EFTUD2: variants seen among roughly 807,000 people sequenced by gnomAD.
EFTUD2 encodes the protein elongation factor Tu GTP binding domain containing 2.
Under a neutral mutation model 114.3 loss-of-function variants are expected in EFTUD2, and 9 were observed. The observed-to-expected ratio is 0.08, with a 90% CI of 0.05 to 0.14. The LOEUF is 0.14. Among genes scored for constraint, EFTUD2 ranks in the 10% least tolerant of loss-of-function variants. EFTUD2 has a pLI of 1.00. For synonymous variants in EFTUD2, 449 were observed against 462.3 expected, an observed-to-expected ratio of 0.97 and a Z score of 0.37; for missense variants, 765 against 1,241.2, an observed-to-expected ratio of 0.62 and a Z score of 5.76.
chr17:44,881,965 C>T, intron 6 of EFTUD2: 1 of 479,930 alleles, frequency 2.1e-6, no homozygotes, highest in East Asian at 4.1e-5. Context: ...GAGTTTTGCT[C>T]TTGTAGCCCA....
At chr17:44,877,066 C>T (rs1165435937) in intron 9 of EFTUD2, among the ~76,000 whole-genome samples, 1 of 151,494 alleles carries the variant, frequency 6.6e-6, no homozygotes, top group Non-Finnish European at 1.5e-5. Context: ...CATGTTGGCA[C>T]ATACCTGTAG....
chr17:44,878,273 C>T (rs2051005287), intron 9 of EFTUD2, among the ~76,000 whole-genome samples: 2 of 152,194 alleles, frequency 1.3e-5, no homozygotes, highest in Admixed American at 1.3e-4. Flanking sequence ...TAACCAGATT[C>T]TAATAACCAG....
rs1218292682 is a variant in EFTUD2 at position 44,851,289 on chromosome 17, G to A, written c.2904C>T (p.Leu968=). 1.2e-6 allele frequency: 2 copies of A among 1,613,980 alleles called. No individual in the cohort carries two copies. Among genetic ancestry groups the A allele is most frequent in the South Asian group, 1.1e-5 (1 of 91,054 alleles). Residue 968 remains leucine, a synonymous_variant, in exon 28 of 28, where the codon CTC becomes CTT. Transcript: ENST00000426333. ...LLELAKQDVV[L]NYPM The stretch of plus-strand genomic sequence containing the variant: ...GTCCACGCACTCACATGGGGTAATT[G>A]AGCACAACATCCTGTTTGGCAAGTT...
At chr17:44,880,495 G>A in intron 8 of EFTUD2, 59 bp downstream of exon 8, 1 of 1,344,698 alleles carries the variant, frequency 7.4e-7, no homozygotes, top group Non-Finnish European at 1.1e-6. Flanking sequence ...CGAAAAGTGA[G>A]AGGACACACG....
chr17:44,852,704 A>G (rs963365428), intron 25 of EFTUD2, 142 bp from the exon 26 acceptor site: 59 of 1,105,330 alleles, frequency 5.3e-5, no homozygotes, highest in Non-Finnish European at 7.4e-5. Flanking sequence ...TTCTACAAAA[A>G]GCAGAAAAGG....
rs1324017563 is a variant in EFTUD2, at chr17:44,851,705, C to T, written c.2823+5G>A. On this transcript the variant is annotated splice_donor_5th_base_variant and intron_variant, in intron 27 of 27. Coordinates refer to ENST00000426333, the MANE Select transcript of EFTUD2 (RefSeq NM_004247.4). ...GGGATGGCAACAGGCCCAAGGGAGA[C>T]ATACCTTCCTACGGCGGGTTTTGAT... The T allele has an allele frequency of 9.4e-6, 15 of 1,588,130 alleles. No individual in the cohort carries two copies. The highest frequency in any genetic ancestry group is 1.3e-5 in the Non-Finnish European group (15 of 1,170,730).
intron 2 of EFTUD2, among the ~76,000 whole-genome samples, chr17:44,887,095 A>G (rs4239144): frequency 0.67 from 101,554 of 152,106 alleles, 34,736 homozygotes; most frequent in African/African-American, 0.82. Flanking sequence ...GTAAAAACTG[A>G]AGATAAGCCC....
At chr17:44,894,211 T>TA (rs1057435487) in intron 2 of EFTUD2, 131 of 479,170 alleles carry the variant, frequency 2.7e-4, no homozygotes, top group Non-Finnish European at 3.3e-4. Context: ...CCACGAAAAA[T>TA]AAAAAAAAAT....
chr17:44,877,463 T>C (rs1311412748), intron 9 of EFTUD2, among the ~76,000 whole-genome samples: 2 of 151,964 alleles, frequency 1.3e-5, no homozygotes, highest in African/African-American at 2.4e-5. Context: ...ATATCCACAG[T>C]GATAATAAGC....
chr17:44,888,144 T>C (rs148968898), intron 2 of EFTUD2, among the ~76,000 whole-genome samples: 34 of 152,270 alleles, frequency 2.2e-4, no homozygotes, highest in African/African-American at 7.9e-4. Flanking sequence ...TGTGGCAACT[T>C]TGAGGTTTAG....
chr17:44,864,143 A>T, intron 14 of EFTUD2: 1 of 180,132 alleles, frequency 5.6e-6, no homozygotes, highest in Non-Finnish European at 1.2e-5. Flanking sequence ...TCCCAACCTG[A>T]CTCCCCTTGA....
intron 9 of EFTUD2, 68 bp downstream of exon 9, chr17:44,879,487 TG>T (rs2051031134): frequency 1.5e-5 from 22 of 1,498,088 alleles, no homozygotes; most frequent in Non-Finnish European, 2.0e-5. Flanking sequence ...CTCAGTGCTC[TG>T]GGTATTGTTG....
At chr17:44,859,599 T>C (rs770766818) in intron 18 of EFTUD2, 8 of 527,054 alleles carry the variant, frequency 1.5e-5, no homozygotes, top group South Asian at 4.7e-5. Context: ...CATTAAGAAA[T>C]GTATTTTTGT....
chr17:44,890,183 T>TC (rs1276369765), intron 2 of EFTUD2, among the ~76,000 whole-genome samples: 1 of 151,616 alleles, frequency 6.6e-6, no homozygotes, highest in East Asian at 2.0e-4. Context: ...TTTGTATTTT[T>TC]GTATTTTTGT....
At chr17:44,877,711 C>T (rs2050991002) in intron 9 of EFTUD2, among the ~76,000 whole-genome samples, 1 of 151,884 alleles carries the variant, frequency 6.6e-6, no homozygotes, top group Non-Finnish European at 1.5e-5. Flanking sequence ...GAGGCTGAGG[C>T]AGGAGAATCA....
chr17:44,868,277 C>T lies in EFTUD2; in HGVS notation c.1058+10G>A. 1 of 1,612,600 alleles carries T rather than the reference C, an allele frequency of 6.2e-7. No homozygotes were observed. Among genetic ancestry groups the T allele is most frequent in the South Asian group, 1.1e-5 (1 of 90,876 alleles). ...CCCCTCTGGAAAGTCACGTCCCATA[C>T]TCTACTTACGTCTTAGGGTTGAAGT... On this transcript the variant is annotated intron_variant, in intron 12 of 27. Transcript: ENST00000426333.
At chr17:44,856,968 A>G (rs1011321468) in intron 20 of EFTUD2, 107 bp downstream of exon 20, 5 of 895,318 alleles carry the variant, frequency 5.6e-6, no homozygotes, top group Non-Finnish European at 9.2e-6. Context: ...TCTGAGCTGT[A>G]GAGGTCTCTA....
intron 11 of EFTUD2, 64 bp from the exon 12 acceptor site, chr17:44,868,414 G>C: frequency 6.6e-7 from 1 of 1,522,844 alleles, no homozygotes; most frequent in Non-Finnish European, 9.1e-7. Context: ...TCTGTTTCAG[G>C]TGCCACAGGT....
In EFTUD2 at chr17:44,857,144, A is replaced by G. The variant is rs1384889292; in HGVS notation, c.1976T>C (p.Val659Ala). 1.2e-6 allele frequency: 2 copies of G among 1,613,978 alleles called. No homozygotes were observed. Among genetic ancestry groups the G allele is most frequent in the Admixed American group, 3.3e-5 (2 of 60,020 alleles). The change falls in exon 20 of 28, where the codon GTT becomes GCT. Residue 659 changes from valine (V) to alanine (A), a missense_variant. Val to Ala is a moderately conservative substitution (Grantham distance 64). Coordinates refer to ENST00000426333, the MANE Select transcript of EFTUD2 (RefSeq NM_004247.4). ...CACCACCGTCTCACAAAACGTGACA[A>G]CTGGGTCAGCCACCTGGGAAACAGA... ...SEIDIKVADP[V>A]VTFCETVVET...
Sources: allele counts gnomAD v4.1 joint callset (sites outside exome capture counted in the v4.1 genomes callset), GRCh38; gene constraint gnomAD v4.1.1; transcripts MANE v1.5; gene names NCBI Gene and HGNC (gene_info 2026-07-23, HGNC 2026-07-21).